Variants in MAST4 observed in about 807,000 individuals in gnomAD.
The protein encoded by MAST4 is microtubule associated serine/threonine kinase family member 4, also known as microtubule-associated serine/threonine-protein kinase 4.
MAST4 carries 89 observed loss-of-function variants against 162.7 expected under a neutral mutation model. That is an observed-to-expected ratio of 0.55 (90% CI 0.46 to 0.65). The LOEUF is 0.65. MAST4 is among the 30% of genes least tolerant of loss of function. The probability of loss-of-function intolerance (pLI) is 0.00; values close to 1 mark genes in which losing one functional copy is unlikely to be tolerated. For synonymous variants in MAST4, 1,479 were observed against 1,361.1 expected (o/e 1.09, Z -1.91); for missense variants, 3,153 against 3,374.0 (o/e 0.93, Z 1.62).
intron 3 of MAST4, among the ~76,000 whole-genome samples, chr5:66,815,728 T>A (rs1046649745): frequency 6.6e-6 from 1 of 152,234 alleles, no homozygotes; most frequent in African/African-American, 2.4e-5. Context: ...AGAATCAGAT[T>A]TAATTTATTA....
At chr5:66,780,375 C>G (rs1384009834) in intron 2 of MAST4, among the ~76,000 whole-genome samples, 1 of 152,200 alleles carries the variant, frequency 6.6e-6, no homozygotes, top group Non-Finnish European at 1.5e-5. Flanking sequence ...AAGAATGAAG[C>G]TGCAGACCTT....
At chr5:67,011,326 C>T (rs1393397699) in intron 4 of MAST4, among the ~76,000 whole-genome samples, 1 of 152,118 alleles carries the variant, frequency 6.6e-6, no homozygotes, top group African/African-American at 2.4e-5. Flanking sequence ...CTCTGCCCCT[C>T]CCTGAGTCCC....
intron 3 of MAST4, among the ~76,000 whole-genome samples, chr5:66,865,182 G>A (rs36152): frequency 0.53 from 79,982 of 152,086 alleles, 22,754 homozygotes; most frequent in Non-Finnish European, 0.64. Context: ...GTCAAGGGAC[G>A]TGTGAAATTT....
At chr5:66,748,381 C>CTTCCTTCCTTCT (rs1181526892) in intron 1 of MAST4, among the ~76,000 whole-genome samples, 2 of 150,540 alleles carry the variant, frequency 1.3e-5, no homozygotes, top group Non-Finnish European at 3.0e-5. Flanking sequence ...TATAGGACCC[C>CTTCCTTCCTTCT]TTCCTTCCTT....
rs1301518142 is a variant in MAST4, at chr5:67,163,082, T to C, written c.3968-65T>C. On this transcript the variant is annotated intron_variant, in intron 28 of 28. Transcript: ENST00000403625. This position sits in a 1 kb window ranked among gnomAD's most constrained non-coding sequence, Gnocchi z 7.0. ...TGGCCTTACCTAATACAGTCTGGGC[T>C]ACAACTGTGAAAAAAAGGGGAAAAT... The C allele has an allele frequency of 2.0e-6, 3 of 1,520,972 alleles. No homozygotes were observed. Among genetic ancestry groups the C allele is most frequent in the Admixed American group, 3.6e-5 (2 of 55,290 alleles). 94.2% of individuals were successfully genotyped at this position (1,520,972 alleles called of 1,614,324 possible). A position where few individuals can be genotyped will look rare whatever the true frequency, so the allele number is the denominator to read the frequency against.
chr5:66,960,693 A>G (rs1745905305), intron 4 of MAST4, among the ~76,000 whole-genome samples: 1 of 152,194 alleles, frequency 6.6e-6, no homozygotes, highest in Non-Finnish European at 1.5e-5. Flanking sequence ...CTTAGTAGAT[A>G]TCATTTCACA....
chr5:67,159,357 C>G (rs1457290332), intron 26 of MAST4, among the ~76,000 whole-genome samples: 1 of 151,810 alleles, frequency 6.6e-6, no homozygotes, highest in East Asian at 1.9e-4. Context: ...TTAATACTTT[C>G]CTATTATCTT....
intron 1 of MAST4, among the ~76,000 whole-genome samples, chr5:66,715,861 A>G (rs1750807772): frequency 6.6e-6 from 1 of 152,070 alleles, no homozygotes; most frequent in Non-Finnish European, 1.5e-5. Context: ...CATTTCCAAT[A>G]AAAATTTACT....
intron 3 of MAST4, among the ~76,000 whole-genome samples, chr5:66,823,299 ACTT>A (rs1212724201): frequency 1.4e-4 from 22 of 152,160 alleles, no homozygotes; most frequent in Admixed American, 1.4e-3. Context: ...CTAATACACT[ACTT>A]CTACCTTGGC....
intron 5 of MAST4, among the ~76,000 whole-genome samples, chr5:67,068,549 G>A (rs1760526176): frequency 6.6e-6 from 1 of 152,124 alleles, no homozygotes; most frequent in Non-Finnish European, 1.5e-5. Flanking sequence ...CACAACATGT[G>A]GGGATTATAG....
At chr5:66,993,207 C>T (rs1458781651) in intron 4 of MAST4, among the ~76,000 whole-genome samples, 1 of 152,176 alleles carries the variant, frequency 6.6e-6, no homozygotes, top group Non-Finnish European at 1.5e-5. Context: ...GAAAAATCAT[C>T]CAGCCAATTG....
chr5:67,084,710 G>A (rs912487400), intron 5 of MAST4, among the ~76,000 whole-genome samples: 2 of 151,942 alleles, frequency 1.3e-5, no homozygotes, highest in African/African-American at 2.4e-5. Flanking sequence ...TTTACTTATC[G>A]GGACAGGAGA....
At chr5:66,759,633 A>C in intron 1 of MAST4, 76 bp from the exon 2 acceptor site, 1 of 1,520,790 alleles carries the variant, frequency 6.6e-7, no homozygotes. Flanking sequence ...AGGAAGAAAA[A>C]GTGTGAATGA....
chr5:67,123,168 A>G (rs1767786073), intron 14 of MAST4, among the ~76,000 whole-genome samples: 1 of 152,154 alleles, frequency 6.6e-6, no homozygotes, highest in African/African-American at 2.4e-5. Flanking sequence ...GTATCCATGT[A>G]CAGGGTCTAC....
At chr5:67,153,653 T>C in intron 26 of MAST4, 73 bp downstream of exon 26, 1 of 1,389,348 alleles carries the variant, frequency 7.2e-7, no homozygotes, top group Non-Finnish European at 9.6e-7. Context: ...AGGAGATTGA[T>C]TTCCCTGTGT....
At chr5:67,130,130 A>T (rs535980636) in intron 14 of MAST4, 80 bp from the exon 15 acceptor site, 2 of 1,320,964 alleles carry the variant, frequency 1.5e-6, no homozygotes, top group South Asian at 1.4e-5. Context: ...AAAGTTGATG[A>T]TTTATATGGT....
chr5:66,861,528 T>C (rs1760116792), intron 3 of MAST4, among the ~76,000 whole-genome samples: 1 of 152,242 alleles, frequency 6.6e-6, no homozygotes, highest in Non-Finnish European at 1.5e-5. Context: ...TTAGACCTTT[T>C]TCACTATGAT....
At chr5:66,779,714 A>G (rs767721884) in intron 2 of MAST4, among the ~76,000 whole-genome samples, 40 of 152,140 alleles carry the variant, frequency 2.6e-4, no homozygotes, top group Non-Finnish European at 5.0e-4. Context: ...TGAGGGAAGA[A>G]ATGTTTAGGA....
chr5:66,890,230 A>G (rs1465433854), intron 3 of MAST4, among the ~76,000 whole-genome samples: 1 of 152,208 alleles, frequency 6.6e-6, no homozygotes, highest in Non-Finnish European at 1.5e-5. Flanking sequence ...TTCAGTTAGT[A>G]TATAATAAAC....
Sources: allele counts gnomAD v4.1 joint callset (sites outside exome capture counted in the v4.1 genomes callset), GRCh38; gene constraint gnomAD v4.1.1; non-coding constraint Gnocchi (gnomAD v3.1); transcripts MANE v1.5; gene names NCBI Gene and HGNC (gene_info 2026-07-23, HGNC 2026-07-21).